The following HIPK2 variants were observed in gnomAD, a reference collection of about 807,000 sequenced individuals.
HIPK2 encodes homeodomain interacting protein kinase 2, also known as homeodomain-interacting protein kinase 2.
HIPK2 carries 27 observed loss-of-function variants against 113.7 expected under a neutral mutation model. The observed-to-expected ratio is 0.24, with a 90% CI of 0.17 to 0.33. The LOEUF is 0.33. Ranked by LOEUF, HIPK2 falls within the 10% of genes least tolerant of loss-of-function variation. The pLI is 1.00. For missense variants in HIPK2, 1,257 were observed against 1,588.0 expected, an observed-to-expected ratio of 0.79 and a Z score of 3.54; for synonymous variants, 631 against 642.2, an observed-to-expected ratio of 0.98 and a Z score of 0.26.
At chr7:139,739,585 C>CA (rs71170914) in intron 1 of HIPK2, among the ~76,000 whole-genome samples, 1,957 of 126,976 alleles carry the variant, frequency 0.015, 42 homozygotes, top group African/African-American at 0.045. Flanking sequence ...AGACCCTCTC[C>CA]AAAAAAAAAA....
intron 1 of HIPK2, among the ~76,000 whole-genome samples, chr7:139,745,561 T>G (rs1396761051): frequency 6.6e-6 from 1 of 152,210 alleles, no homozygotes; most frequent in African/African-American, 2.4e-5. Flanking sequence ...GGGAATGTCC[T>G]GTCTCAAACT....
At chr7:139,732,039 A>G (rs993955891) in intron 1 of HIPK2, among the ~76,000 whole-genome samples, 7 of 152,174 alleles carry the variant, frequency 4.6e-5, no homozygotes, top group Admixed American at 1.3e-4. Context: ...AGGAAAAAGA[A>G]ACTAAAGATG....
intron 2 of HIPK2, among the ~76,000 whole-genome samples, chr7:139,644,591 T>C (rs1419362979): frequency 1.3e-5 from 2 of 152,240 alleles, no homozygotes; most frequent in Non-Finnish European, 2.9e-5. Flanking sequence ...ATCCTTTTGT[T>C]GACTGTTTTT....
intron 6 of HIPK2, among the ~76,000 whole-genome samples, chr7:139,620,879 A>C (rs1800211805): frequency 1.3e-5 from 2 of 152,326 alleles, no homozygotes; most frequent in Admixed American, 1.3e-4. Context: ...ATCACTGCTC[A>C]TTCTCAACTC....
intron 2 of HIPK2, among the ~76,000 whole-genome samples, chr7:139,641,444 C>T (rs765319005): frequency 6.6e-6 from 1 of 151,988 alleles, no homozygotes; most frequent in South Asian, 2.1e-4. Context: ...GAAATACTAC[C>T]GTAACCTAGT....
chr7:139,674,098 G>A (rs932095007), intron 2 of HIPK2, among the ~76,000 whole-genome samples: 1 of 151,536 alleles, frequency 6.6e-6, no homozygotes, highest in Non-Finnish European at 1.5e-5. Context: ...CTGACTTTTG[G>A]CTGGAGATTT....
chr7:139,605,973 G>A (rs1317761627), intron 9 of HIPK2, among the ~76,000 whole-genome samples: 1 of 152,210 alleles, frequency 6.6e-6, no homozygotes, highest in East Asian at 1.9e-4. Context: ...CAGAGCTCAT[G>A]AAAAGCATTA....
intron 2 of HIPK2, among the ~76,000 whole-genome samples, chr7:139,664,518 C>A (rs1344238095): frequency 6.6e-6 from 1 of 152,114 alleles, no homozygotes; most frequent in Admixed American, 6.5e-5. Context: ...GCCGGGGCAA[C>A]ACAGTGAGAC....
At chr7:139,766,128 C>T (rs1293248880) in intron 1 of HIPK2, among the ~76,000 whole-genome samples, 1 of 152,166 alleles carries the variant, frequency 6.6e-6, no homozygotes, top group Non-Finnish European at 1.5e-5. Flanking sequence ...CTCAGACTGC[C>T]TGGAGTCGAT....
chr7:139,677,516 C>T (rs10271287), intron 2 of HIPK2, among the ~76,000 whole-genome samples: 75,547 of 151,854 alleles, frequency 0.5, 20,202 homozygotes, highest in Non-Finnish European at 0.6. Flanking sequence ...CCTCACACAG[C>T]GGAAGGCAGA....
At chr7:139,636,361 T>C (rs1182951132) in intron 2 of HIPK2, among the ~76,000 whole-genome samples, 1 of 151,912 alleles carries the variant, frequency 6.6e-6, no homozygotes, top group Non-Finnish European at 1.5e-5. Context: ...CCTAGATAAT[T>C]GTTATGGGTT....
intron 1 of HIPK2, among the ~76,000 whole-genome samples, chr7:139,741,963 C>A (rs1471275724): frequency 6.6e-6 from 1 of 152,156 alleles, no homozygotes; most frequent in East Asian, 1.9e-4. Context: ...TCATCCTCAC[C>A]TTACAGAAGA....
intron 1 of HIPK2, among the ~76,000 whole-genome samples, chr7:139,730,742 G>A (rs1335445552): frequency 6.6e-6 from 1 of 152,196 alleles, no homozygotes; most frequent in Admixed American, 6.5e-5. Flanking sequence ...CTAACCCCCA[G>A]TACCTGTGAA....
chr7:139,736,664 A>G (rs1485565733), intron 1 of HIPK2, among the ~76,000 whole-genome samples: 1 of 152,214 alleles, frequency 6.6e-6, no homozygotes, highest in Admixed American at 6.5e-5. Context: ...ATCGAATAAC[A>G]TAAAAACTTA....
intron 2 of HIPK2, among the ~76,000 whole-genome samples, chr7:139,668,414 T>C (rs1802134632): frequency 6.6e-6 from 1 of 151,764 alleles, no homozygotes; most frequent in Non-Finnish European, 1.5e-5. Flanking sequence ...ACAAAAAAAT[T>C]AGCTGGGCAT....
intron 2 of HIPK2, among the ~76,000 whole-genome samples, chr7:139,645,133 T>C (rs1189419308): frequency 6.6e-6 from 1 of 152,210 alleles, no homozygotes; most frequent in African/African-American, 2.4e-5. Flanking sequence ...GTGCCTCCAC[T>C]GGAGAAGCCC....
At chr7:139,601,446 G>A (rs1452672630) in intron 10 of HIPK2, among the ~76,000 whole-genome samples, 1 of 152,184 alleles carries the variant, frequency 6.6e-6, no homozygotes, top group African/African-American at 2.4e-5. Flanking sequence ...ATATGCTTCT[G>A]GTGTTAGGAA....
intron 1 of HIPK2, among the ~76,000 whole-genome samples, chr7:139,745,763 T>G (rs1464542439): frequency 6.6e-6 from 1 of 151,828 alleles, no homozygotes; most frequent in African/African-American, 2.4e-5. Flanking sequence ...TGGCTCGAGC[T>G]CTGCCTCCAC....
At chr7:139,711,020 T>G (rs1345915387) in intron 2 of HIPK2, among the ~76,000 whole-genome samples, 1 of 151,078 alleles carries the variant, frequency 6.6e-6, no homozygotes, top group East Asian at 1.9e-4. Context: ...TTTTAATAAA[T>G]TACCCAGTCA....
Sources: gnomAD v4.1 joint callset for allele counts (sites outside exome capture counted in the v4.1 genomes callset) on GRCh38, gnomAD v4.1.1 for gene constraint, MANE v1.5 for transcripts, NCBI Gene and HGNC (gene_info 2026-07-23, HGNC 2026-07-21) for gene names.